SHISAL1: variants seen among roughly 807,000 people sequenced by gnomAD.
The protein encoded by SHISAL1 is protein shisa-like-1.
In SHISAL1, 9 loss-of-function variants were observed where a neutral mutation model predicts 22.6. That is an observed-to-expected ratio of 0.40 (90% confidence interval 0.24 to 0.70). The LOEUF (loss-of-function observed/expected upper bound fraction) is 0.70. SHISAL1 is among the 30% of genes least tolerant of loss of function. The pLI is 0.39. For synonymous variants in SHISAL1, 119 were observed against 115.4 expected, an observed-to-expected ratio of 1.03 and a Z score of -0.20; for missense variants, 246 against 270.6, an observed-to-expected ratio of 0.91 and a Z score of 0.64.
chr22:44,275,645 G>A (rs1054872567), intron 4 of SHISAL1, among the ~76,000 whole-genome samples: 6 of 152,226 alleles, frequency 3.9e-5, no homozygotes, highest in African/African-American at 1.4e-4. Context: ...GCTCTTCCCA[G>A]TACAAGGATG....
chr22:44,258,436 ATTAG>A (rs2055099404), intron 4 of SHISAL1, among the ~76,000 whole-genome samples: 1 of 152,176 alleles, frequency 6.6e-6, no homozygotes, highest in Non-Finnish European at 1.5e-5. Context: ...CCTAGTACCC[ATTAG>A]TTATTTTTCC....
At chr22:44,322,579 G>A in the SHISAL1 span, among the ~76,000 whole-genome samples, 1 of 152,166 alleles carries the variant, frequency 6.6e-6, no homozygotes, top group Non-Finnish European at 1.5e-5. Flanking sequence ...TGTTATCTTT[G>A]CAAGCCAGTC....
chr22:44,317,100 C>T (rs1182615161), upstream of SHISAL1, among the ~76,000 whole-genome samples: 3 of 152,210 alleles, frequency 2.0e-5, no homozygotes, highest in Admixed American at 2.0e-4. Flanking sequence ...CCCCCATCGT[C>T]GGCTGGAGGG....
In SHISAL1 at chr22:44,310,741, A is replaced by C. The variant is rs2055512402; in HGVS notation, c.-33+2010T>G. Among the ~76,000 whole-genome samples the C allele has an allele frequency of 6.6e-6, 1 of 151,964 alleles. No homozygotes were observed. Among genetic ancestry groups the C allele is most frequent in the African/African-American group, 2.4e-5 (1 of 41,368 alleles). Reference sequence around the variant, plus strand: ...GAAATTGTGTTTGAACTCCATGTCTACGTCTGATTTCCCCAGTTCATCTTT... The same window carrying C: ...GAAATTGTGTTTGAACTCCATGTCTCCGTCTGATTTCCCCAGTTCATCTTT... On this transcript the variant is annotated intron_variant, in intron 1 of 4. Coordinates refer to ENST00000381176, the MANE Select transcript of SHISAL1 (RefSeq NM_001099294.2). The surrounding 1 kb of genome is among the most constrained non-coding windows in gnomAD (Gnocchi z 4.0).
intron 3 of SHISAL1, among the ~76,000 whole-genome samples, chr22:44,287,306 C>G (rs1244247831): frequency 6.6e-6 from 1 of 152,216 alleles, no homozygotes; most frequent in Non-Finnish European, 1.5e-5. Flanking sequence ...TCCTCTGGCC[C>G]TGACCAGGGC....
intron 4 of SHISAL1, among the ~76,000 whole-genome samples, chr22:44,270,001 C>T (rs1419160946): frequency 2.6e-5 from 4 of 152,192 alleles, no homozygotes; most frequent in Non-Finnish European, 5.9e-5. Context: ...GTGGGTCCTG[C>T]CTGCACTACC....
At chr22:44,328,822 T>C in the SHISAL1 span, among the ~76,000 whole-genome samples, 12 of 147,118 alleles carry the variant, frequency 8.2e-5, no homozygotes, top group African/African-American at 3.0e-4. Context: ...AAGCTGGGGG[T>C]AGTGTTGTCT....
At chr22:44,254,954 A>C (rs2055074066) in intron 4 of SHISAL1, among the ~76,000 whole-genome samples, 1 of 152,128 alleles carries the variant, frequency 6.6e-6, no homozygotes, top group African/African-American at 2.4e-5. Context: ...TAATAAACCC[A>C]GTGGTCAATT....
chr22:44,283,798 C>T (rs1380683425), intron 4 of SHISAL1, among the ~76,000 whole-genome samples: 2 of 152,300 alleles, frequency 1.3e-5, no homozygotes, highest in East Asian at 3.9e-4. Flanking sequence ...AGCTGTAGTG[C>T]CTATGAGCAT....
At position 44,296,763 on chromosome 22, in the gene SHISAL1, T is replaced by G. The variant is rs745993550; in HGVS notation, c.190A>C (p.Asn64His). The change falls in exon 3 of 5, where the codon AAC (asparagine) becomes CAC (histidine). Residue 64 changes from asparagine (N) to histidine (H), a missense_variant. Transcript: ENST00000381176. ...KTFILCCHHN[N>H]TVFKYCCNET... ...TTGCAGCAGTATTTGAAGACCGTGT[T>G]GTTATGGTGACAACAGAGGATGAAG... 44 of 1,614,000 alleles carry G rather than the reference T, an allele frequency of 2.7e-5. No individual in the cohort carries two copies. The highest frequency in any genetic ancestry group is 3.5e-5 in the Non-Finnish European group (41 of 1,180,040).
chr22:44,296,181 G>C (rs140407224), intron 3 of SHISAL1, among the ~76,000 whole-genome samples: 8 of 137,886 alleles, frequency 5.8e-5, no homozygotes, highest in African/African-American at 2.1e-4. Flanking sequence ...TTTTTGAGAC[G>C]GAGTTTCACT....
intron 2 of SHISAL1, among the ~76,000 whole-genome samples, chr22:44,297,607 T>C (rs890359374): frequency 2.0e-5 from 3 of 152,280 alleles, no homozygotes; most frequent in African/African-American, 7.2e-5. Flanking sequence ...CCTGGAACCC[T>C]CCCACCACTC....
At chr22:44,331,449 C>T in the SHISAL1 span, among the ~76,000 whole-genome samples, 1 of 151,256 alleles carries the variant, frequency 6.6e-6, no homozygotes, top group Non-Finnish European at 1.5e-5. The surrounding 1 kb of genome is among the most constrained non-coding windows in gnomAD (Gnocchi z 5.2). Context: ...AGGCGCGCCC[C>T]TCCCCCGCGC....
chr22:44,259,069 G>C (rs577119656), intron 4 of SHISAL1, among the ~76,000 whole-genome samples: 1 of 152,126 alleles, frequency 6.6e-6, no homozygotes, highest in Non-Finnish European at 1.5e-5. Context: ...CACAAGGCTC[G>C]TGAAAAAGGG....
chr22:44,330,444 G>T, the SHISAL1 span, among the ~76,000 whole-genome samples: 1 of 152,180 alleles, frequency 6.6e-6, no homozygotes, highest in Non-Finnish European at 1.5e-5. Context: ...GGCCCAGAGA[G>T]GTAGGGGAGA....
chr22:44,286,389 GGGCTGCTCTGCCTTCCTCA>G (rs1322949561), intron 3 of SHISAL1, among the ~76,000 whole-genome samples: 1 of 152,146 alleles, frequency 6.6e-6, no homozygotes, highest in Admixed American at 6.5e-5. Flanking sequence ...TCCCCACCGA[GGGCTGCTCTGCCTTCCTCA>G]GGCAGAGGTG....
chr22:44,293,513 C>T (rs1168084462), intron 3 of SHISAL1, among the ~76,000 whole-genome samples: 1 of 152,142 alleles, frequency 6.6e-6, no homozygotes, highest in African/African-American at 2.4e-5. Context: ...GGTGACCTGG[C>T]CCCAGATGTC....
the SHISAL1 span, among the ~76,000 whole-genome samples, chr22:44,320,506 G>A: frequency 6.6e-6 from 1 of 152,174 alleles, no homozygotes; most frequent in African/African-American, 2.4e-5. Context: ...GAGCTGAGAG[G>A]GAGAGAAAAT....
chr22:44,272,446 A>C (rs2055211842), intron 4 of SHISAL1, among the ~76,000 whole-genome samples: 1 of 152,196 alleles, frequency 6.6e-6, no homozygotes, highest in Admixed American at 6.5e-5. Flanking sequence ...CCCAGCACTT[A>C]ACACGGGGCA....
Sources: gnomAD v4.1 joint callset for allele counts (sites outside exome capture counted in the v4.1 genomes callset) on GRCh38, gnomAD v4.1.1 for gene constraint, Gnocchi (gnomAD v3.1) non-coding constraint, MANE v1.5 for transcripts, NCBI Gene and HGNC (gene_info 2026-07-23, HGNC 2026-07-21) for gene names.